Variants in PDE8B observed in about 807,000 individuals in gnomAD.
PDE8B encodes high affinity cAMP-specific and IBMX-insensitive 3',5'-cyclic phosphodiesterase 8B.
A neutral mutation model predicts 101.3 loss-of-function variants in PDE8B; 26 were observed. That is an observed-to-expected ratio of 0.26 (90% CI 0.19 to 0.36). The LOEUF is 0.36. Among genes scored for constraint, PDE8B ranks in the 10% least tolerant of loss-of-function variants. PDE8B has a pLI of 1.00. For synonymous variants in PDE8B, 424 were observed against 429.3 expected (o/e 0.99, Z 0.15); for missense variants, 810 against 1,163.1 (o/e 0.70, Z 4.42).
At chr5:77,300,378 T>G (rs910915088) in intron 1 of PDE8B, among the ~76,000 whole-genome samples, 1 of 152,200 alleles carries the variant, frequency 6.6e-6, no homozygotes, top group Non-Finnish European at 1.5e-5. Context: ...TGCTGTGCTT[T>G]GGGCATTTTC....
chr5:77,120,697 G>GT, the PDE8B span, among the ~76,000 whole-genome samples: 4 of 152,290 alleles, frequency 2.6e-5, no homozygotes, highest in Admixed American at 1.3e-4. Flanking sequence ...AAAAAGTGAG[G>GT]TAAAAACAAA....
At chr5:77,208,521 G>A (rs1747689213), upstream of PDE8B, among the ~76,000 whole-genome samples, 1 of 152,172 alleles carries the variant, frequency 6.6e-6, no homozygotes, top group Non-Finnish European at 1.5e-5. Context: ...TTGTCCTTTG[G>A]AAGTAGAGCA....
the PDE8B span, chr5:77,144,603 T>TTTGAGGAAGAATTTTTGAGC: frequency 8.0e-5 from 1 of 12,552 alleles, no homozygotes; most frequent in East Asian, 0.038. Context: ...ATTTTTGAGC[T>TTTGAGGAAGAATTTTTGAGC]TTTTTTTTTT....
Position 77,210,958 on chromosome 5 carries a change from G to A in PDE8B, c.33G>A (p.Gln11=). MGCAPSIHVS[Q]SGVIYCRDSD... is the part of the protein sequence containing the mutation. ...GCGCCCCCAGCATCCATGTCTCGCA[G>A]AGCGGCGTGATCTACTGCCGGGACT... Residue 11 remains glutamine, a synonymous_variant, in exon 1 of 22, where the codon CAG becomes CAA. Coordinates refer to ENST00000264917, the MANE Select transcript of PDE8B (RefSeq NM_003719.5). The surrounding 1 kb of genome is among the most constrained non-coding windows in gnomAD (Gnocchi z 4.9). 1 of 1,524,088 alleles carries A rather than the reference G, an allele frequency of 6.6e-7. No homozygotes were observed. The highest frequency in any genetic ancestry group is 8.7e-7 in the Non-Finnish European group (1 of 1,145,224). The allele number at this position is 1,524,088 out of a possible 1,614,324, so 94.4% of individuals were successfully genotyped here.
chr5:77,125,232 C>T, the PDE8B span, among the ~76,000 whole-genome samples: 1 of 152,100 alleles, frequency 6.6e-6, no homozygotes, highest in African/African-American at 2.4e-5. Flanking sequence ...AAACTCCTGG[C>T]CTCAAATGAT....
intron 10 of PDE8B, among the ~76,000 whole-genome samples, chr5:77,391,914 A>G (rs1311085238): frequency 6.6e-6 from 1 of 152,230 alleles, no homozygotes; most frequent in Non-Finnish European, 1.5e-5. Flanking sequence ...TGAAAGAACA[A>G]TTTGCAAGGC....
the PDE8B span, among the ~76,000 whole-genome samples, chr5:77,203,823 T>C: frequency 0.012 from 1,829 of 152,266 alleles, 42 homozygotes; most frequent in African/African-American, 0.041. Context: ...AATGGATGAA[T>C]TTAGCATCAT....
At chr5:77,296,636 A>T (rs539854047) in intron 1 of PDE8B, among the ~76,000 whole-genome samples, 93 of 152,296 alleles carry the variant, frequency 6.1e-4, no homozygotes, top group African/African-American at 2.2e-3. Context: ...CTAAAAAAGA[A>T]TTTTTAAACG....
intron 1 of PDE8B, among the ~76,000 whole-genome samples, chr5:77,240,727 C>T (rs373326340): frequency 7.2e-5 from 11 of 152,274 alleles, no homozygotes; most frequent in African/African-American, 2.6e-4. Context: ...ATTCAGTACC[C>T]ATTTTATGCA....
At chr5:77,222,776 G>A (rs1751440379) in intron 1 of PDE8B, among the ~76,000 whole-genome samples, 1 of 152,190 alleles carries the variant, frequency 6.6e-6, no homozygotes, top group Admixed American at 6.5e-5. Context: ...AGCCTGAGGG[G>A]TAAGTCAGCT....
the PDE8B span, among the ~76,000 whole-genome samples, chr5:77,159,425 C>T: frequency 1.3e-5 from 2 of 152,168 alleles, no homozygotes; most frequent in African/African-American, 4.8e-5. Flanking sequence ...GTTTTCCAGC[C>T]TACATCTTTC....
intron 1 of PDE8B, among the ~76,000 whole-genome samples, chr5:77,304,101 C>A (rs1168490263): frequency 6.6e-6 from 1 of 152,126 alleles, no homozygotes; most frequent in African/African-American, 2.4e-5. Context: ...CACTAGATAT[C>A]CCCAAACTGT....
intron 10 of PDE8B, among the ~76,000 whole-genome samples, chr5:77,386,932 G>A (rs933064404): frequency 3.2e-5 from 4 of 126,446 alleles, no homozygotes; most frequent in African/African-American, 9.8e-5. Flanking sequence ...GCCGGACTGC[G>A]GACTGCAGTG....
chr5:77,100,633 G>A, the PDE8B span, among the ~76,000 whole-genome samples: 1 of 152,154 alleles, frequency 6.6e-6, no homozygotes, highest in Non-Finnish European at 1.5e-5. Context: ...TGTCTCCAGG[G>A]AGCACTGCTC....
intron 4 of PDE8B, 155 bp from the exon 5 acceptor site, chr5:77,331,247 A>G: frequency 2.6e-6 from 2 of 756,418 alleles, no homozygotes; most frequent in Non-Finnish European, 4.9e-6. Flanking sequence ...TGGGGTCTGT[A>G]TCCTTGAAGG....
intron 1 of PDE8B, among the ~76,000 whole-genome samples, chr5:77,299,349 G>A (rs1210671451): frequency 6.6e-6 from 1 of 151,444 alleles, no homozygotes; most frequent in Admixed American, 6.6e-5. Flanking sequence ...GTATACATGT[G>A]CCATGTTGGT....
At chr5:77,371,004 G>T (rs1039315666) in intron 10 of PDE8B, among the ~76,000 whole-genome samples, 1 of 152,166 alleles carries the variant, frequency 6.6e-6, no homozygotes. Flanking sequence ...TTATTGAGTT[G>T]TATTAGTTCT....
chr5:77,244,139 C>A (rs1756375222), intron 1 of PDE8B, among the ~76,000 whole-genome samples: 1 of 152,020 alleles, frequency 6.6e-6, no homozygotes. Flanking sequence ...CTGCAGGAAA[C>A]CCAGGCTTGA....
chr5:77,277,065 C>T (rs917828068), intron 1 of PDE8B, among the ~76,000 whole-genome samples: 1 of 152,066 alleles, frequency 6.6e-6, no homozygotes, highest in Admixed American at 6.6e-5. Context: ...CCTTGACATT[C>T]CAGTTTTCCC....
Sources: allele counts gnomAD v4.1 joint callset (sites outside exome capture counted in the v4.1 genomes callset), GRCh38; gene constraint gnomAD v4.1.1; non-coding constraint Gnocchi (gnomAD v3.1); transcripts MANE v1.5; gene names NCBI Gene and HGNC (gene_info 2026-07-23, HGNC 2026-07-21).